Variants in KCNIP3 observed in about 807,000 individuals in gnomAD.
KCNIP3 encodes calsenilin.
In KCNIP3, 28 loss-of-function variants were observed where a neutral mutation model predicts 35.0. The ratio of observed to expected loss-of-function variants is 0.80; its 90% CI spans 0.59 to 1.10. The LOEUF is 1.10. Ranked by LOEUF, KCNIP3 falls within the 50% of genes least tolerant of loss-of-function variation. The pLI, the probability that KCNIP3 is intolerant of heterozygous loss-of-function variation, is 0.00. For synonymous variants in KCNIP3, 134 were observed against 133.8 expected (o/e 1.00, Z -0.01); for missense variants, 295 against 338.4 (o/e 0.87, Z 1.01).
At chr2:95,304,899 C>G (rs1256600466) in intron 1 of KCNIP3, among the ~76,000 whole-genome samples, 2 of 152,086 alleles carry the variant, frequency 1.3e-5, no homozygotes, top group Non-Finnish European at 2.9e-5. Flanking sequence ...ATCTCGGCCA[C>G]CAGGTGACTG....
chr2:95,336,324 A>G (rs972477951), intron 2 of KCNIP3, among the ~76,000 whole-genome samples: 1 of 152,216 alleles, frequency 6.6e-6, no homozygotes, highest in African/African-American at 2.4e-5. Flanking sequence ...TCATTCTTAT[A>G]ACAAAGCCCA....
At chr2:95,326,410 A>G (rs1678793709) in intron 2 of KCNIP3, among the ~76,000 whole-genome samples, 1 of 152,226 alleles carries the variant, frequency 6.6e-6, no homozygotes, top group African/African-American at 2.4e-5. Context: ...ACACACGTTC[A>G]CACACTGCAC....
intron 2 of KCNIP3, among the ~76,000 whole-genome samples, chr2:95,370,804 G>T: frequency 6.6e-6 from 1 of 151,798 alleles, no homozygotes. Flanking sequence ...TCTGTCAACA[G>T]GCTGGAGTGC....
At chr2:95,357,446 A>G in intron 2 of KCNIP3, among the ~76,000 whole-genome samples, 1 of 152,128 alleles carries the variant, frequency 6.6e-6, no homozygotes, top group South Asian at 2.1e-4. Flanking sequence ...ACTGTCAGCC[A>G]GAGGCACCAG....
chr2:95,358,121 G>A (rs1235577063), intron 2 of KCNIP3, among the ~76,000 whole-genome samples: 1 of 152,160 alleles, frequency 6.6e-6, no homozygotes, highest in South Asian at 2.1e-4. Flanking sequence ...GGGGACATAG[G>A]CTCGAGAGGT....
At chr2:95,316,037 G>T (rs1387777979) in intron 2 of KCNIP3, among the ~76,000 whole-genome samples, 1 of 152,194 alleles carries the variant, frequency 6.6e-6, no homozygotes, top group African/African-American at 2.4e-5. Flanking sequence ...ACCATCAGGC[G>T]CTCCACCCCC....
At chr2:95,325,852 T>TAC (rs1161517837) in intron 2 of KCNIP3, among the ~76,000 whole-genome samples, 3 of 50,686 alleles carry the variant, frequency 5.9e-5, no homozygotes, top group East Asian at 7.6e-4. Context: ...CATACACACA[T>TAC]ACACTCACAG....
At chr2:95,354,005 A>C (rs1679591641) in intron 2 of KCNIP3, among the ~76,000 whole-genome samples, 1 of 152,224 alleles carries the variant, frequency 6.6e-6, no homozygotes, top group Non-Finnish European at 1.5e-5. Flanking sequence ...TGTCAGTGGC[A>C]CGGAAGTGGA....
At position 95,370,081 on chromosome 2, in the gene KCNIP3, C is replaced by G. The variant is rs181547682; in HGVS notation, c.182-4215C>G. On this transcript the variant is annotated intron_variant, in intron 2 of 8. Coordinates refer to ENST00000295225, the MANE Select transcript of KCNIP3 (RefSeq NM_013434.5). ...TGTTGATAATAGTTGTTTTAAAGTT[C>G]TTTTCTAATAATTCTAACAAAAGTC... 2.2e-3 allele frequency among the ~76,000 whole-genome samples: 331 copies of G among 152,050 alleles called. 1 individual carries two copies. The highest frequency in any genetic ancestry group is 7.4e-3 in the African/African-American group (308 of 41,480).
chr2:95,325,956 C>T (rs1678758290), intron 2 of KCNIP3, among the ~76,000 whole-genome samples: 1 of 150,232 alleles, frequency 6.7e-6, no homozygotes, highest in Non-Finnish European at 1.5e-5. Flanking sequence ...CTCACACATA[C>T]ACACACTCAT....
At chr2:95,327,351 C>A (rs780212407) in intron 2 of KCNIP3, among the ~76,000 whole-genome samples, 2 of 152,140 alleles carry the variant, frequency 1.3e-5, no homozygotes, top group Non-Finnish European at 2.9e-5. Flanking sequence ...TTTTTAAGAA[C>A]CCTGGATGTG....
At chr2:95,316,732 C>T (rs1396831391) in intron 2 of KCNIP3, among the ~76,000 whole-genome samples, 6 of 152,190 alleles carry the variant, frequency 3.9e-5, no homozygotes, top group Non-Finnish European at 2.9e-5. Flanking sequence ...GCGAGGAAGG[C>T]AGGGGAATGG....
At chr2:95,305,002 A>G (rs1678135044) in intron 1 of KCNIP3, among the ~76,000 whole-genome samples, 1 of 152,204 alleles carries the variant, frequency 6.6e-6, no homozygotes, top group South Asian at 2.1e-4. Flanking sequence ...GGGCCAGCCT[A>G]GGGCCGTTTC....
At chr2:95,317,798 A>T (rs1225656088) in intron 2 of KCNIP3, among the ~76,000 whole-genome samples, 1 of 152,192 alleles carries the variant, frequency 6.6e-6, no homozygotes, top group Non-Finnish European at 1.5e-5. Flanking sequence ...AGTGGCAGGC[A>T]GGGCAGAGCT....
At chr2:95,328,701 G>A (rs975183786) in intron 2 of KCNIP3, among the ~76,000 whole-genome samples, 1 of 152,254 alleles carries the variant, frequency 6.6e-6, no homozygotes, top group Non-Finnish European at 1.5e-5. Flanking sequence ...AGCATTCTCA[G>A]TCTACAGTCA....
intron 2 of KCNIP3, among the ~76,000 whole-genome samples, chr2:95,362,192 C>T (rs1231458829): frequency 5.3e-5 from 8 of 151,910 alleles, no homozygotes; most frequent in South Asian, 2.1e-4. Flanking sequence ...CTGCAAGCTC[C>T]GCCTCCTGGG....
intron 2 of KCNIP3, among the ~76,000 whole-genome samples, chr2:95,344,284 C>G (rs890997710): frequency 2.0e-5 from 3 of 146,820 alleles, no homozygotes; most frequent in Admixed American, 6.8e-5. Flanking sequence ...TGGGGGGGGG[C>G]ACATGGGGCT....
At chr2:95,371,251 A>G (rs1292035499) in intron 2 of KCNIP3, among the ~76,000 whole-genome samples, 1 of 152,236 alleles carries the variant, frequency 6.6e-6, no homozygotes, top group Non-Finnish European at 1.5e-5. Flanking sequence ...GCCCAGCTTT[A>G]CCTGCATCCA....
In KCNIP3 at chr2:95,342,577, G is replaced by C. The variant is rs143528262; in HGVS notation, c.182-31719G>C. On this transcript the variant is annotated intron_variant, in intron 2 of 8. Coordinates refer to ENST00000295225, the MANE Select transcript of KCNIP3 (RefSeq NM_013434.5). Reference sequence around the variant, plus strand: ...GTCCGAAAGATACAGGTTTAGATGTGTCATGGGGCACGCAGCGTTGCCAGC... The same window carrying C: ...GTCCGAAAGATACAGGTTTAGATGTCTCATGGGGCACGCAGCGTTGCCAGC... Among the ~76,000 whole-genome samples the C allele has an allele frequency of 9.8e-4, 149 of 152,366 alleles. 1 individual carries two copies. The highest frequency in any genetic ancestry group is 3.1e-3 in the African/African-American group (129 of 41,594).
Sources: gnomAD v4.1 joint callset for allele counts (sites outside exome capture counted in the v4.1 genomes callset) on GRCh38, gnomAD v4.1.1 for gene constraint, MANE v1.5 for transcripts, NCBI Gene and HGNC (gene_info 2026-07-23, HGNC 2026-07-21) for gene names.